The following POMC variants were observed in gnomAD, a reference collection of about 807,000 sequenced individuals.
The protein encoded by POMC is proopiomelanocortin.
POMC carries 19 observed loss-of-function variants against 18.5 expected under a neutral mutation model. The ratio of observed to expected loss-of-function variants is 1.03; its 90% CI spans 0.72 to 1.51. POMC has a LOEUF of 1.51. Ranked by LOEUF, POMC falls within the 40% of genes most tolerant of loss-of-function variation. POMC has a pLI of 0.00. For missense variants in POMC, 451 were observed against 379.0 expected (o/e 1.19, Z -1.58); for synonymous variants, 179 against 161.9 (o/e 1.11, Z -0.80).
At position 25,161,519 on chromosome 2, in the gene POMC, C is replaced by G; in HGVS notation, c.366G>C (p.Glu122Asp). The change falls in exon 3 of 3, where the codon GAG becomes GAC. Residue 122 changes from glutamate to aspartate, a missense_variant. Transcript: ENST00000395826. This position sits in a 1 kb window ranked among gnomAD's most constrained non-coding sequence, Gnocchi z 5.7. ...DCGPLPEGGPEPRSDGAKPGP... is the reference protein window; with the variant it reads ...DCGPLPEGGPDPRSDGAKPGP... ...CCGGCTTGGCACCATCGCTGCGGGG[C>G]TCGGGGCCGCCCTCAGGCAGCGGGC... The G allele has an allele frequency of 6.3e-7, 1 of 1,592,080 alleles. No individual in the cohort carries two copies.
rs964354121 is a variant in POMC, at chr2:25,161,438, C to T, written c.447G>A (p.Pro149=). Residue 149 remains proline (P), a synonymous_variant, in exon 3 of 3, where the codon CCG becomes CCA. Coordinates refer to ENST00000395826, the MANE Select transcript of POMC (RefSeq NM_000939.4). The surrounding 1 kb of genome is among the most constrained non-coding windows in gnomAD (Gnocchi z 5.7). ...YSMEHFRWGK[P]VGKKRRPVKV... is the part of the protein sequence containing the mutation. ...TCACTGGGCGCCGCTTCTTGCCCAC[C>T]GGCTTGCCCCAGCGGAAGTGCTCCA... 2 of 1,610,394 alleles carry T rather than the reference C, an allele frequency of 1.2e-6. No individual in the cohort carries two copies. Among genetic ancestry groups the T allele is most frequent in the Admixed American group, 1.7e-5 (1 of 59,788 alleles).
At position 25,161,572 on chromosome 2, in the gene POMC, C is replaced by T. The variant is rs121918111; in HGVS notation, c.313G>A (p.Glu105Lys). 1.1e-5 allele frequency: 17 copies of T among 1,555,240 alleles called. No homozygotes were observed. The highest frequency in any genetic ancestry group is 2.8e-5 in the African/African-American group (2 of 71,498). The change falls in exon 3 of 3, where the codon GAG becomes AAG. Residue 105 changes from glutamate (E) to lysine (K), a missense_variant. Physicochemically the swap from Glu to Lys is moderately conservative, Grantham distance 56. Transcript: ENST00000395826. The surrounding 1 kb of genome is among the most constrained non-coding windows in gnomAD (Gnocchi z 5.7). ...SGSSGAGQKR[E>K]DVSAGEDCGP... is the part of the protein sequence containing the mutation. ...CAGTCTTCGCCCGCTGAGACGTCCT[C>T]GCGCTTCTGCCCTGCGCCGCTGCTG...
intron 1 of POMC, among the ~76,000 whole-genome samples, chr2:25,167,498 G>C (rs2149223736): frequency 6.6e-6 from 1 of 152,212 alleles, no homozygotes. Flanking sequence ...CGTCCACCCC[G>C]GTTCTGTTGA....
chr2:25,164,166 C>A (rs1011909015), intron 2 of POMC, among the ~76,000 whole-genome samples: 3 of 151,692 alleles, frequency 2.0e-5, no homozygotes, highest in African/African-American at 7.3e-5. Context: ...AAAAAGGGCC[C>A]CTGGTTTTTC....
chr2:25,165,140 T>C (rs1257741354), intron 1 of POMC, among the ~76,000 whole-genome samples: 1 of 152,248 alleles, frequency 6.6e-6, no homozygotes, highest in South Asian at 2.1e-4. Context: ...ATTACTTTAA[T>C]GTCCATGACA....
In POMC at chr2:25,168,095, G is replaced by A. The variant is rs989839401; in HGVS notation, c.-21+403C>T. Among the ~76,000 whole-genome samples the A allele has an allele frequency of 7.9e-5, 12 of 151,860 alleles. No homozygotes were observed. The highest frequency in any genetic ancestry group is 2.7e-4 in the African/African-American group (11 of 41,356). On this transcript the variant is annotated intron_variant, in intron 1 of 2. Transcript: ENST00000395826. This position sits in a 1 kb window ranked among gnomAD's most constrained non-coding sequence, Gnocchi z 5.2. ...CTTGAACCCGGGAGGCGAAGGTTGC[G>A]GTGAGCAGAGATCACCCCTTTGCTC...
Position 25,162,458 on chromosome 2 carries a change from A to G in POMC, c.133-706T>C, listed in dbSNP as rs543115963. On this transcript the variant is annotated intron_variant, in intron 2 of 2. Coordinates refer to ENST00000395826, the MANE Select transcript of POMC (RefSeq NM_000939.4). ...GGCAACAGAGCAAGACTCCGTCTCA[A>G]AAAAATAAATAAATAAATAAAAAGA... 2.4e-4 allele frequency among the ~76,000 whole-genome samples: 36 copies of G among 152,264 alleles called. No individual in the cohort carries two copies. In the South Asian group the frequency reaches 7.5e-3, roughly 32 times the overall value.
intron 1 of POMC, among the ~76,000 whole-genome samples, chr2:25,167,810 G>A (rs924363577): frequency 2.4e-4 from 37 of 152,176 alleles, no homozygotes; most frequent in African/African-American, 8.9e-4. Flanking sequence ...TATGGAATTT[G>A]ACTTTCAAGA....
At chr2:25,163,803 T>G (rs1298875202) in intron 2 of POMC, among the ~76,000 whole-genome samples, 2 of 152,176 alleles carry the variant, frequency 1.3e-5, no homozygotes, top group Non-Finnish European at 2.9e-5. Context: ...TTTTTATTTT[T>G]TGTAGAAGTG....
At position 25,161,106 on chromosome 2, in the gene POMC, T is replaced by G; in HGVS notation, c.779A>C (p.Lys260Thr). The change falls in exon 3 of 3, where the codon AAG becomes ACG. Residue 260 changes from lysine to threonine, a missense_variant. By Grantham distance (78) the Lys-to-Thr change is moderately conservative. Transcript: ENST00000395826. This position sits in a 1 kb window ranked among gnomAD's most constrained non-coding sequence, Gnocchi z 5.7. Reference protein sequence around the residue: ...LVTLFKNAIIKNAYKKGE With the variant: ...LVTLFKNAIITNAYKKGE ...TCACTCGCCCTTCTTGTAGGCGTTC[T>G]TGATGATGGCGTTTTTGAACAGCGT... 1 of 1,613,812 alleles carries G rather than the reference T, an allele frequency of 6.2e-7. No homozygotes were observed. The highest frequency in any genetic ancestry group is 8.5e-7 in the Non-Finnish European group (1 of 1,179,992).
chr2:25,161,057 T>A lies in POMC; in HGVS notation c.*24A>T. The A allele has an allele frequency of 1.2e-6, 2 of 1,613,506 alleles. No individual in the cohort carries two copies. Among genetic ancestry groups the A allele is most frequent in the Middle Eastern group, 1.7e-4 (1 of 6,048 alleles). The stretch of plus-strand genomic sequence containing the variant: ...TTGGGGTCGACCTCCTGGGGGAGGG[T>A]AGCCCTGGGGCCCCGCTGTGCCCTC... On this transcript the variant is annotated 3_prime_UTR_variant, in exon 3 of 3. Coordinates refer to ENST00000395826, the MANE Select transcript of POMC (RefSeq NM_000939.4). The surrounding 1 kb of genome is among the most constrained non-coding windows in gnomAD (Gnocchi z 5.7).
In POMC at chr2:25,161,065, G is replaced by A. The variant is rs185376492; in HGVS notation, c.*16C>T. 5 of 1,613,980 alleles carry A rather than the reference G, an allele frequency of 3.1e-6. No homozygotes were observed. The Admixed American group carries it at 6.7e-5, about 22-fold the overall frequency. ...GACCTCCTGGGGGAGGGTAGCCCTGGGGCCCCGCTGTGCCCTCACTCGCCC... is the reference window on the plus strand; with the variant it reads ...GACCTCCTGGGGGAGGGTAGCCCTGAGGCCCCGCTGTGCCCTCACTCGCCC... On this transcript the variant is annotated 3_prime_UTR_variant, in exon 3 of 3. Coordinates refer to ENST00000395826, the MANE Select transcript of POMC (RefSeq NM_000939.4). The surrounding 1 kb of genome is among the most constrained non-coding windows in gnomAD (Gnocchi z 5.7).
At position 25,161,655 on chromosome 2, in the gene POMC, T is replaced by C; in HGVS notation, c.230A>G (p.Tyr77Cys). ...GTCCCAGCGGAAGTGGCCCATGACG[T>C]ACTTCCGGGGGTTCTCGGTCAGAGG... is the stretch of plus-strand genomic sequence containing the variant. ...EQPLTENPRK[Y>C]VMGHFRWDRF... is the part of the protein sequence containing the mutation. The change falls in exon 3 of 3, where the codon TAC (tyrosine) becomes TGC (cysteine). Residue 77 changes from tyrosine to cysteine, a missense_variant. Transcript: ENST00000395826. The surrounding 1 kb of genome is among the most constrained non-coding windows in gnomAD (Gnocchi z 5.7). The C allele has an allele frequency of 6.4e-7, 1 of 1,557,434 alleles. No individual in the cohort carries two copies. Among genetic ancestry groups the C allele is most frequent in the Non-Finnish European group, 8.7e-7 (1 of 1,151,616 alleles).
chr2:25,161,139 G>A lies in POMC; in HGVS notation c.746C>T (p.Pro249Leu). Residue 249 changes from proline (P) to leucine (L), a missense_variant, in exon 3 of 3, where the codon CCC becomes CTC. Physicochemically the swap from Pro to Leu is moderately conservative, Grantham distance 98. Coordinates refer to ENST00000395826, the MANE Select transcript of POMC (RefSeq NM_000939.4). This position sits in a 1 kb window ranked among gnomAD's most constrained non-coding sequence, Gnocchi z 5.7. ...GGCGTTTTTGAACAGCGTCACCAGG[G>A]GCGTCTGGCTCTTCTCGGAGGTCAT... ...GFMTSEKSQT[P>L]LVTLFKNAII... The A allele has an allele frequency of 6.2e-7, 1 of 1,613,992 alleles. No homozygotes were observed. The highest frequency in any genetic ancestry group is 8.5e-7 in the Non-Finnish European group (1 of 1,179,988).
At position 25,161,444 on chromosome 2, in the gene POMC, G is replaced by A. The variant is rs1381316207; in HGVS notation, c.441C>T (p.Gly147=). 7 of 1,610,160 alleles carry A rather than the reference G, an allele frequency of 4.3e-6. No individual in the cohort carries two copies. The East Asian group carries it at 6.7e-5, about 15-fold the overall frequency. ...RSYSMEHFRW[G]KPVGKKRRPV... is the part of the protein sequence containing the mutation. ...GGCGCCGCTTCTTGCCCACCGGCTT[G>A]CCCCAGCGGAAGTGCTCCATGGAGT... The change falls in exon 3 of 3, where the codon GGC becomes GGT. Residue 147 remains glycine, a synonymous_variant. Transcript: ENST00000395826. This position sits in a 1 kb window ranked among gnomAD's most constrained non-coding sequence, Gnocchi z 5.7.
In POMC at chr2:25,161,234, G is replaced by A. The variant is rs1671344785; in HGVS notation, c.651C>T (p.Asp217=). The part of the protein sequence containing the change: ...HSLLVAAEKK[D]EGPYRMEHFR... The stretch of plus-strand genomic sequence containing the variant: ...AGTGCTCCATCCTGTAGGGGCCCTC[G>A]TCCTTCTTCTCGGCCGCCACCAGCA... The change falls in exon 3 of 3, where the codon GAC becomes GAT. Residue 217 remains aspartate, a synonymous_variant. Coordinates refer to ENST00000395826, the MANE Select transcript of POMC (RefSeq NM_000939.4). This position sits in a 1 kb window ranked among gnomAD's most constrained non-coding sequence, Gnocchi z 5.7. 3 of 1,612,696 alleles carry A rather than the reference G, an allele frequency of 1.9e-6. No homozygotes were observed. Among genetic ancestry groups the A allele is most frequent in the African/African-American group, 2.7e-5 (2 of 74,906 alleles).
Position 25,161,822 on chromosome 2 carries a change from C to A in POMC, c.133-70G>T, listed in dbSNP as rs1671401451. On this transcript the variant is annotated intron_variant, in intron 2 of 2. Coordinates refer to ENST00000395826, the MANE Select transcript of POMC (RefSeq NM_000939.4). This position sits in a 1 kb window ranked among gnomAD's most constrained non-coding sequence, Gnocchi z 5.7. Reference sequence around the variant, plus strand: ...CCCGGCCCGGCTGCCGCGCCCGTCACTGCGCCTAGGCCCTGGCCGCCCTCG... The same window carrying A: ...CCCGGCCCGGCTGCCGCGCCCGTCAATGCGCCTAGGCCCTGGCCGCCCTCG... The A allele has an allele frequency of 1.3e-6, 2 of 1,510,518 alleles. No homozygotes were observed. The highest frequency in any genetic ancestry group is 1.4e-5 in the African/African-American group (1 of 71,304). 93.6% of individuals were successfully genotyped at this position (1,510,518 alleles called of 1,614,324 possible). A position where few individuals can be genotyped will look rare whatever the true frequency, so the allele number is the denominator to read the frequency against.
intron 1 of POMC, among the ~76,000 whole-genome samples, chr2:25,167,244 G>T (rs1671586328): frequency 6.6e-6 from 1 of 152,076 alleles, no homozygotes; most frequent in Admixed American, 6.5e-5. Flanking sequence ...CATTAAAGTG[G>T]CCATAATCTG....
chr2:25,165,642 G>A (rs1341850141), intron 1 of POMC: 1 of 152,232 alleles, frequency 6.6e-6, no homozygotes, highest in East Asian at 1.9e-4. Flanking sequence ...TTACCTCCTG[G>A]TGGAACAGCC....
Sources: gnomAD v4.1 joint callset for allele counts (sites outside exome capture counted in the v4.1 genomes callset) on GRCh38, gnomAD v4.1.1 for gene constraint, Gnocchi (gnomAD v3.1) non-coding constraint, MANE v1.5 for transcripts, NCBI Gene and HGNC (gene_info 2026-07-23, HGNC 2026-07-21) for gene names.